HS6ST3: variants seen among roughly 807,000 people sequenced by gnomAD.
HS6ST3 encodes heparan-sulfate 6-O-sulfotransferase 3.
Under a neutral mutation model 36.7 loss-of-function variants are expected in HS6ST3, and 12 were observed. The observed-to-expected ratio is 0.33, with a 90% CI of 0.21 to 0.53. HS6ST3 has a LOEUF of 0.53. Ranked by LOEUF, HS6ST3 falls within the 20% of genes least tolerant of loss-of-function variation. The pLI is 0.95. For synonymous variants in HS6ST3, 240 were observed against 257.5 expected, an observed-to-expected ratio of 0.93 and a Z score of 0.65; for missense variants, 584 against 640.9, an observed-to-expected ratio of 0.91 and a Z score of 0.96.
At chr13:96,542,357 G>A (rs1438228006) in intron 1 of HS6ST3, among the ~76,000 whole-genome samples, 9 of 152,080 alleles carry the variant, frequency 5.9e-5, no homozygotes, top group Admixed American at 4.6e-4. Context: ...AGAGTCACTT[G>A]GGCTCCTTTC....
intron 1 of HS6ST3, among the ~76,000 whole-genome samples, chr13:96,553,045 C>T (rs1445645486): frequency 1.3e-5 from 2 of 152,126 alleles, no homozygotes; most frequent in Non-Finnish European, 2.9e-5. Flanking sequence ...TCCTAAGGAT[C>T]AGCAAGTCCT....
intron 1 of HS6ST3, among the ~76,000 whole-genome samples, chr13:96,673,299 T>G (rs2056688345): frequency 6.6e-6 from 1 of 152,144 alleles, no homozygotes; most frequent in South Asian, 2.1e-4. Context: ...CTTAATCACA[T>G]TTGCAAAGAT....
intron 1 of HS6ST3, among the ~76,000 whole-genome samples, chr13:96,629,609 T>C (rs547328632): frequency 6.6e-6 from 1 of 152,208 alleles, no homozygotes; most frequent in Non-Finnish European, 1.5e-5. Context: ...TCAGTGTTAA[T>C]TGTTCTTTTG....
chr13:96,186,056 A>G (rs927276317), intron 1 of HS6ST3, among the ~76,000 whole-genome samples: 1 of 152,242 alleles, frequency 6.6e-6, no homozygotes, highest in South Asian at 2.1e-4. Flanking sequence ...ATGCATATGT[A>G]TGTAAATACA....
chr13:96,611,741 T>C (rs932642008), intron 1 of HS6ST3, among the ~76,000 whole-genome samples: 4 of 152,064 alleles, frequency 2.6e-5, no homozygotes, highest in African/African-American at 9.7e-5. Context: ...TCATGAAAAG[T>C]CATCAAATTA....
At chr13:96,118,682 A>T (rs1406408817) in intron 1 of HS6ST3, among the ~76,000 whole-genome samples, 8 of 22,228 alleles carry the variant, frequency 3.6e-4, no homozygotes, top group South Asian at 5.7e-3. Context: ...ATATATATAT[A>T]TATATATTTT....
At chr13:96,325,742 A>G (rs1397168155) in intron 1 of HS6ST3, among the ~76,000 whole-genome samples, 1 of 152,152 alleles carries the variant, frequency 6.6e-6, no homozygotes, top group Non-Finnish European at 1.5e-5. Context: ...TGGAGTCTGG[A>G]AAAAAGGAGT....
At chr13:96,097,145 A>G (rs1299261541) in intron 1 of HS6ST3, among the ~76,000 whole-genome samples, 1 of 152,184 alleles carries the variant, frequency 6.6e-6, no homozygotes, top group Non-Finnish European at 1.5e-5. Context: ...ATGGTAATAG[A>G]TGATTTATGC....
At chr13:96,279,290 C>T (rs1309694476) in intron 1 of HS6ST3, among the ~76,000 whole-genome samples, 1 of 152,104 alleles carries the variant, frequency 6.6e-6, no homozygotes, top group Non-Finnish European at 1.5e-5. Flanking sequence ...CACATACTTA[C>T]ATTAATGATT....
intron 1 of HS6ST3, among the ~76,000 whole-genome samples, chr13:96,650,936 A>C (rs1032445748): frequency 7.9e-5 from 12 of 152,098 alleles, no homozygotes; most frequent in African/African-American, 2.9e-4. Context: ...TCACAGAAAT[A>C]GCCTGTTCTT....
intron 1 of HS6ST3, among the ~76,000 whole-genome samples, chr13:96,758,416 C>T (rs953692605): frequency 4.0e-5 from 6 of 151,712 alleles, no homozygotes; most frequent in Non-Finnish European, 5.9e-5. Context: ...TTCTATTTTG[C>T]TGAGTTCTGG....
At chr13:96,204,661 A>G (rs1028494915) in intron 1 of HS6ST3, among the ~76,000 whole-genome samples, 15 of 152,224 alleles carry the variant, frequency 9.9e-5, no homozygotes, top group Non-Finnish European at 1.6e-4. Flanking sequence ...CCACAGTGCA[A>G]TGAAATTAGA....
chr13:96,752,518 T>C (rs1297321333), intron 1 of HS6ST3, among the ~76,000 whole-genome samples: 3 of 152,228 alleles, frequency 2.0e-5, no homozygotes, highest in African/African-American at 7.2e-5. Flanking sequence ...TAGAATGTCA[T>C]TGTGATCTTG....
At chr13:96,304,726 T>TCTTTCTTTCTTTCTTTCTTTCTTTC (rs1327921964) in intron 1 of HS6ST3, among the ~76,000 whole-genome samples, 30 of 140,210 alleles carry the variant, frequency 2.1e-4, no homozygotes, top group East Asian at 8.2e-4. Flanking sequence ...TTTTTTTTTT[T>TCTTTCTTTCTTTCTTTCTTTCTTTC]TTTTTACAGA....
At chr13:96,290,536 C>T (rs1434920185) in intron 1 of HS6ST3, among the ~76,000 whole-genome samples, 1 of 152,064 alleles carries the variant, frequency 6.6e-6, no homozygotes, top group East Asian at 1.9e-4. Flanking sequence ...TCTGAGGGTT[C>T]CTGCTTTTTC....
At chr13:96,778,522 A>G (rs913094934) in intron 1 of HS6ST3, among the ~76,000 whole-genome samples, 3 of 152,228 alleles carry the variant, frequency 2.0e-5, no homozygotes, top group African/African-American at 7.2e-5. Context: ...ATATGAATAG[A>G]CACTTCTCAA....
chr13:96,218,099 C>T (rs900527414), intron 1 of HS6ST3, among the ~76,000 whole-genome samples: 3 of 152,032 alleles, frequency 2.0e-5, no homozygotes, highest in South Asian at 2.1e-4. Context: ...TGAAATGACT[C>T]CTCTAAATAT....
At chr13:96,141,728 A>T (rs1002007058) in intron 1 of HS6ST3, among the ~76,000 whole-genome samples, 1 of 152,104 alleles carries the variant, frequency 6.6e-6, no homozygotes, top group Non-Finnish European at 1.5e-5. Context: ...ACTTGCTCCC[A>T]TACTCAGTGT....
chr13:96,480,453 T>C (rs941126291), intron 1 of HS6ST3, among the ~76,000 whole-genome samples: 2 of 152,122 alleles, frequency 1.3e-5, no homozygotes, highest in Non-Finnish European at 2.9e-5. Flanking sequence ...TGTGTTTAAG[T>C]GTGACTGTGT....
Sources: allele counts gnomAD v4.1 joint callset (sites outside exome capture counted in the v4.1 genomes callset), GRCh38; gene constraint gnomAD v4.1.1; transcripts MANE v1.5; gene names NCBI Gene and HGNC (gene_info 2026-07-23, HGNC 2026-07-21).